SLFN5: variants seen among roughly 807,000 people sequenced by gnomAD.
SLFN5 encodes the protein schlafen family member 5.
In SLFN5, 34 loss-of-function variants were observed where a neutral mutation model predicts 48.5. The observed-to-expected ratio is 0.70, with a 90% CI of 0.53 to 0.93. The LOEUF (loss-of-function observed/expected upper bound fraction) is 0.93, where lower values mean the gene tolerates loss of function less well. Among genes scored for constraint, SLFN5 ranks in the 40% least tolerant of loss-of-function variants. SLFN5 has a pLI of 0.00. For missense variants in SLFN5, 1,006 were observed against 1,071.3 expected, an observed-to-expected ratio of 0.94 and a Z score of 0.85; for synonymous variants, 387 against 396.2, an observed-to-expected ratio of 0.98 and a Z score of 0.28.
chr17:35,265,107 G>A lies in SLFN5; in HGVS notation c.1895G>A (p.Arg632Gln), dbSNP rs200569989. 2.0e-5 allele frequency: 33 copies of A among 1,613,134 alleles called. No individual in the cohort carries two copies. Among genetic ancestry groups the A allele is most frequent in the Middle Eastern group, 1.7e-4 (1 of 6,060 alleles). ...AAAAACATCTGCCAGCCAGTGACCC[G>A]GAAAACCTTCATGAAAAACAACTTT... ...SKKNICQPVT[R>Q]KTFMKNNFEH... is the part of the protein sequence containing the mutation. The change falls in exon 5 of 5, where the codon CGG becomes CAG. Residue 632 changes from arginine to glutamine, a missense_variant. Transcript: ENST00000299977.
At chr17:35,252,281 A>G (rs2092444192) in intron 1 of SLFN5, among the ~76,000 whole-genome samples, 1 of 152,150 alleles carries the variant, frequency 6.6e-6, no homozygotes, top group Admixed American at 6.5e-5. Context: ...AATTTAAAAA[A>G]TTAGCTGTGC....
At chr17:35,252,702 A>G (rs2092445217) in intron 1 of SLFN5, among the ~76,000 whole-genome samples, 1 of 152,088 alleles carries the variant, frequency 6.6e-6, no homozygotes, top group Admixed American at 6.6e-5. Flanking sequence ...GTGTTCATCA[A>G]ATTTTCTTCA....
At chr17:35,260,826 C>T (rs1904499678) in intron 2 of SLFN5, 145 bp from the exon 3 acceptor site, 2 of 971,492 alleles carry the variant, frequency 2.1e-6, no homozygotes, top group Non-Finnish European at 2.8e-6. Context: ...AGTAGGCTTT[C>T]CTGAGCTGAC....
rs149363506 is a variant in SLFN5 at position 35,259,601 on chromosome 17, C to T, written c.911C>T (p.Ala304Val). 1.6e-4 allele frequency: 257 copies of T among 1,610,556 alleles called. 1 individual carries two copies. In the African/African-American group the frequency reaches 2.6e-3, roughly 16 times the overall value. ...ATCAAGGTGGAGAAATTCTGCTGTGCGGTGTTTGCCAAAGTGCCTAGTTCC... is the reference window on the plus strand; with the variant it reads ...ATCAAGGTGGAGAAATTCTGCTGTGTGGTGTTTGCCAAAGTGCCTAGTTCC... ...CAIKVEKFCC[A>V]VFAKVPSSWQ... The change falls in exon 2 of 5, where the codon GCG (alanine) becomes GTG (valine). Residue 304 changes from alanine to valine, a missense_variant. Coordinates refer to ENST00000299977, the MANE Select transcript of SLFN5 (RefSeq NM_144975.4).
chr17:35,266,030 GT>G lies in SLFN5; in HGVS notation c.*143del, dbSNP rs1272417279. 1.4e-4 allele frequency: 115 copies of G among 848,744 alleles called. No individual in the cohort carries two copies. The East Asian group carries it at 3.0e-3, about 22-fold the overall frequency. 52.6% of individuals were successfully genotyped at this position (848,744 alleles called of 1,614,324 possible). ...TGCTGGGGATTGAGAACGAATCGAT[GT>G]AAGATTCCTCCTTTAGGGCAGAGAC... On this transcript the variant is annotated 3_prime_UTR_variant, in exon 5 of 5. Coordinates refer to ENST00000299977, the MANE Select transcript of SLFN5 (RefSeq NM_144975.4).
At chr17:35,257,159 C>T (rs1186466101) in intron 1 of SLFN5, among the ~76,000 whole-genome samples, 1 of 152,134 alleles carries the variant, frequency 6.6e-6, no homozygotes, top group Non-Finnish European at 1.5e-5. Context: ...GACCACTGCT[C>T]TAAATCTACA....
Position 35,266,182 on chromosome 17 carries a change from G to GCT in SLFN5, c.*295_*296insTC, listed in dbSNP as rs1904689381. 4.9e-5 allele frequency: 13 copies of GCT among 265,122 alleles called. No individual in the cohort carries two copies. In the Admixed American group the frequency reaches 6.5e-4, roughly 13 times the overall value. The allele number at this position is 265,122 out of a possible 1,614,324, so 16.4% of individuals were successfully genotyped here. On this transcript the variant is annotated 3_prime_UTR_variant, in exon 5 of 5. Coordinates refer to ENST00000299977, the MANE Select transcript of SLFN5 (RefSeq NM_144975.4). The stretch of plus-strand genomic sequence containing the variant: ...TGTGTGTGTGTGTGTGTGTGTGCGC[G>GCT]CGCGCACGTGCACATGTGTGTAGGT...
At chr17:35,253,690 G>GTTT (rs57606643) in intron 1 of SLFN5, among the ~76,000 whole-genome samples, 8 of 76,064 alleles carry the variant, frequency 1.1e-4, no homozygotes, top group African/African-American at 1.3e-4. Flanking sequence ...ATAGCTAACA[G>GTTT]TTTTTTTTTT....
intron 1 of SLFN5, among the ~76,000 whole-genome samples, chr17:35,245,104 C>T (rs2092427729): frequency 6.6e-6 from 1 of 152,162 alleles, no homozygotes; most frequent in African/African-American, 2.4e-5. Context: ...GCACCAAACC[C>T]TATATCTAAT....
intron 3 of SLFN5, among the ~76,000 whole-genome samples, chr17:35,263,971 T>C (rs1055844112): frequency 6.6e-6 from 1 of 152,218 alleles, no homozygotes; most frequent in East Asian, 1.9e-4. Context: ...TCTAGTTGTA[T>C]TGACCACTTT....
Position 35,265,851 on chromosome 17 carries a change from C to CA in SLFN5, c.2644dup (p.Arg882LysfsTer21). Reference sequence around the variant, plus strand: ...CTTCTGCTCTGTTTGGCTTCTAGGGCAAAAAGACATCTGTATATTCTGAAG... The same window carrying CA: ...CTTCTGCTCTGTTTGGCTTCTAGGGCAAAAAAGACATCTGTATATTCTGAAG... On this transcript the variant is annotated frameshift_variant, in exon 5 of 5. Coordinates refer to ENST00000299977, the MANE Select transcript of SLFN5 (RefSeq NM_144975.4). LOFTEE classifies it low-confidence loss of function (END_TRUNC). The CA allele has an allele frequency of 6.2e-7, 1 of 1,606,062 alleles. No individual in the cohort carries two copies. The highest frequency in any genetic ancestry group is 1.3e-5 in the African/African-American group (1 of 74,286).
At chr17:35,252,994 G>A (rs1032174756) in intron 1 of SLFN5, among the ~76,000 whole-genome samples, 1 of 151,812 alleles carries the variant, frequency 6.6e-6, no homozygotes, top group African/African-American at 2.4e-5. Flanking sequence ...GTCAATTTGG[G>A]CTGCTGTAAC....
At position 35,266,182 on chromosome 17, in the gene SLFN5, G is replaced by GCGCA. The variant is rs1904689474; in HGVS notation, c.*297_*298insACGC. The GCGCA allele has an allele frequency of 3.0e-5, 8 of 265,122 alleles. 1 individual carries two copies. In the South Asian group the frequency reaches 3.5e-4, roughly 11 times the overall value. 16.4% of individuals were successfully genotyped at this position (265,122 alleles called of 1,614,324 possible). Reference sequence around the variant, plus strand: ...TGTGTGTGTGTGTGTGTGTGTGCGCGCGCGCACGTGCACATGTGTGTAGGT... The same window carrying GCGCA: ...TGTGTGTGTGTGTGTGTGTGTGCGCGCGCACGCGCACGTGCACATGTGTGTAGGT... On this transcript the variant is annotated 3_prime_UTR_variant, in exon 5 of 5. Coordinates refer to ENST00000299977, the MANE Select transcript of SLFN5 (RefSeq NM_144975.4).
chr17:35,261,294 A>G lies in SLFN5; in HGVS notation c.1138+198A>G, dbSNP rs560447948. ...GGGGTAGGAAAGCATTTCCTAAACC[A>G]GACACAAAAGGATCAAACTTAAAAA... On this transcript the variant is annotated intron_variant, in intron 3 of 4. Coordinates refer to ENST00000299977, the MANE Select transcript of SLFN5 (RefSeq NM_144975.4). Among the ~76,000 whole-genome samples the G allele has an allele frequency of 1.2e-4, 18 of 152,334 alleles. No homozygotes were observed. In the South Asian group the frequency reaches 3.7e-3, roughly 32 times the overall value.
At chr17:35,261,267 T>C (rs1904513329) in intron 3 of SLFN5, among the ~76,000 whole-genome samples, 171 bp downstream of exon 3, 1 of 152,200 alleles carries the variant, frequency 6.6e-6, no homozygotes, top group South Asian at 2.1e-4. Flanking sequence ...AATTGTATCA[T>C]TGGGGTAGGA....
At chr17:35,260,709 T>A (rs1904495603) in intron 2 of SLFN5, among the ~76,000 whole-genome samples, 1 of 152,102 alleles carries the variant, frequency 6.6e-6, no homozygotes, top group Admixed American at 6.6e-5. Context: ...TGAGACTGTT[T>A]CAATAAATAA....
Position 35,268,221 on chromosome 17 carries a change from A to G in SLFN5, c.*2333A>G, listed in dbSNP as rs1305098398. 6.6e-6 allele frequency: 1 copy of G among 152,282 alleles called. No homozygotes were observed. The highest frequency in any genetic ancestry group is 6.5e-5 in the Admixed American group (1 of 15,286). The allele number at this position is 152,282 out of a possible 1,614,324, so 9.4% of individuals were successfully genotyped here. On this transcript the variant is annotated 3_prime_UTR_variant, in exon 5 of 5. Transcript: ENST00000299977. ...GAAGCCAAACTAGTCTACTTCATCT[A>G]AGAAAGTTGTCAAAGAGAGCCCTTC...
chr17:35,271,578 C>T lies in SLFN5; in HGVS notation c.*5690C>T, dbSNP rs1478878870. On this transcript the variant is annotated 3_prime_UTR_variant, in exon 5 of 5. Transcript: ENST00000299977. ...AAAACTATACAATGAAACTAAAGAG[C>T]ACAAAAAAGAACTTAAACAGATAAA... is the stretch of plus-strand genomic sequence containing the variant. 1 of 151,840 alleles carries T rather than the reference C, an allele frequency of 6.6e-6. No homozygotes were observed. The highest frequency in any genetic ancestry group is 2.4e-5 in the African/African-American group (1 of 41,324). 9.4% of individuals were successfully genotyped at this position (151,840 alleles called of 1,614,324 possible).
At chr17:35,246,521 GAGA>G (rs2092430987) in intron 1 of SLFN5, among the ~76,000 whole-genome samples, 1 of 152,112 alleles carries the variant, frequency 6.6e-6, no homozygotes, top group South Asian at 2.1e-4. Context: ...CTTTCAGAAG[GAGA>G]AGTTCTTAAA....
Sources: allele counts gnomAD v4.1 joint callset (sites outside exome capture counted in the v4.1 genomes callset), GRCh38; gene constraint gnomAD v4.1.1; transcripts MANE v1.5; gene names NCBI Gene and HGNC (gene_info 2026-07-23, HGNC 2026-07-21).